Variants in COL22A1 observed in about 807,000 individuals in gnomAD.
The protein encoded by COL22A1 is collagen alpha-1(XXII) chain.
A neutral mutation model predicts 248.9 loss-of-function variants in COL22A1; 221 were observed. That is an observed-to-expected ratio of 0.89 (90% confidence interval 0.80 to 0.99). The LOEUF (loss-of-function observed/expected upper bound fraction) is 0.99. Ranked by LOEUF, COL22A1 falls within the 50% of genes least tolerant of loss-of-function variation. The probability of loss-of-function intolerance (pLI) is 0.00; values close to 1 mark genes in which losing one functional copy is unlikely to be tolerated. For missense variants in COL22A1, 2,240 were observed against 2,179.0 expected, an observed-to-expected ratio of 1.03 and a Z score of -0.56; for synonymous variants, 891 against 793.4, an observed-to-expected ratio of 1.12 and a Z score of -2.07.
chr8:138,594,122 G>C lies in COL22A1; in HGVS notation c.4510C>G (p.Pro1504Ala). Residue 1504 changes from proline (P) to alanine (A), a missense_variant, in exon 63 of 65, where the codon CCC becomes GCC. Transcript: ENST00000303045. ...CCTGGAAGCCCATCTTTTCCAGGGG[G>C]CCCTGGGGGCCCAGGTCTGCCTTGA... Reference protein sequence around the residue: ...SSQGRPGPPGPPGKDGLPGRA... With the variant: ...SSQGRPGPPGAPGKDGLPGRA... 6.3e-7 allele frequency: 1 copy of C among 1,577,886 alleles called. No homozygotes were observed. The highest frequency in any genetic ancestry group is 8.6e-7 in the Non-Finnish European group (1 of 1,168,916).
At position 138,757,960 on chromosome 8, in the gene COL22A1, T is replaced by C. The variant is rs1243895869; in HGVS notation, c.1903-2131A>G. 3.3e-5 allele frequency among the ~76,000 whole-genome samples: 5 copies of C among 152,328 alleles called. No individual in the cohort carries two copies. In the East Asian group the frequency reaches 5.8e-4, roughly 18 times the overall value. ...CTCCCACACCATCCCCGTTCCTCTATGTGACTAACAGAAACAGCAGACGTG... is the reference window on the plus strand; with the variant it reads ...CTCCCACACCATCCCCGTTCCTCTACGTGACTAACAGAAACAGCAGACGTG... On this transcript the variant is annotated intron_variant, in intron 18 of 64. Coordinates refer to ENST00000303045, the MANE Select transcript of COL22A1 (RefSeq NM_152888.3).
chr8:138,789,921 C>T (rs183272983), intron 12 of COL22A1, among the ~76,000 whole-genome samples: 23 of 152,338 alleles, frequency 1.5e-4, no homozygotes, highest in African/African-American at 5.5e-4. Flanking sequence ...AGTCACTATA[C>T]CATTCCAGAT....
At chr8:138,867,923 C>T (rs1365145459) in intron 3 of COL22A1, among the ~76,000 whole-genome samples, 4 of 152,060 alleles carry the variant, frequency 2.6e-5, no homozygotes, top group African/African-American at 7.2e-5. Flanking sequence ...TGCCAACATG[C>T]CTGGCTAACT....
chr8:138,688,914 T>C lies in COL22A1; in HGVS notation c.2862+3A>G. 1 of 1,612,226 alleles carries C rather than the reference T, an allele frequency of 6.2e-7. No individual in the cohort carries two copies. The highest frequency in any genetic ancestry group is 8.5e-7 in the Non-Finnish European group (1 of 1,178,308). On this transcript the variant is annotated splice_donor_region_variant and intron_variant, in intron 37 of 64. Coordinates refer to ENST00000303045, the MANE Select transcript of COL22A1 (RefSeq NM_152888.3). ...GTGTGCTGAGAGATCATATTGGTCT[T>C]ACCTTCTCACCACGCTCCCCATCTT...
chr8:138,722,852 G>GC lies in COL22A1; in HGVS notation c.2248-764_2248-763insG, dbSNP rs1242649124. Among the ~76,000 whole-genome samples the GC allele has an allele frequency of 3.5e-4, 45 of 128,572 alleles. 1 individual carries two copies. Among genetic ancestry groups the GC allele is most frequent in the African/African-American group, 1.2e-3 (42 of 35,910 alleles). 84.3% of individuals were successfully genotyped at this position (128,572 alleles called of 152,430 possible). On this transcript the variant is annotated intron_variant, in intron 25 of 64. Transcript: ENST00000303045. ...AATGATATCGGGTCACATGGGGGCG[G>GC]GGGGGGGGTGGTGGAAAACACACCC...
At chr8:138,907,386 G>T (rs570929217) in intron 1 of COL22A1, among the ~76,000 whole-genome samples, 1 of 152,330 alleles carries the variant, frequency 6.6e-6, no homozygotes, top group South Asian at 2.1e-4. Flanking sequence ...GGAGAATTCA[G>T]CTGGAAGGGT....
rs549935923 is a variant in COL22A1 at position 138,625,094 on chromosome 8, TAATC to T, written c.3717+1092_3717+1095del. Among the ~76,000 whole-genome samples, 7 of 152,276 alleles carry T rather than the reference TAATC, an allele frequency of 4.6e-5. No individual in the cohort carries two copies. The South Asian group carries it at 8.3e-4, about 18-fold the overall frequency. On this transcript the variant is annotated intron_variant, in intron 51 of 64. Transcript: ENST00000303045. ...ACCAGACCAACGAATAATGGAGAAT[TAATC>T]AATCCATTACACCAATAGAAATGCG... is the stretch of plus-strand genomic sequence containing the variant.
chr8:138,752,275 A>G (rs1832668479), intron 21 of COL22A1, among the ~76,000 whole-genome samples: 1 of 152,230 alleles, frequency 6.6e-6, no homozygotes, highest in African/African-American at 2.4e-5. Flanking sequence ...CTGTGACTCT[A>G]TCACCACTTC....
chr8:138,821,786 C>G (rs1378770757), intron 6 of COL22A1, among the ~76,000 whole-genome samples: 1 of 144,830 alleles, frequency 6.9e-6, no homozygotes, highest in Non-Finnish European at 1.6e-5. Context: ...AGTTGTGAGA[C>G]CAGCCAGAAA....
At position 138,826,515 on chromosome 8, in the gene COL22A1, TCTG is replaced by T. The variant is rs1819592424; in HGVS notation, c.969+140_969+142del. 3.5e-5 allele frequency: 29 copies of T among 824,458 alleles called. No individual in the cohort carries two copies. In the East Asian group the frequency reaches 7.2e-4, roughly 20 times the overall value. The allele number at this position is 824,458 out of a possible 1,614,324, so 51.1% of individuals were successfully genotyped here. A position where few individuals can be genotyped will look rare whatever the true frequency, so the allele number is the denominator to read the frequency against. On this transcript the variant is annotated intron_variant, in intron 6 of 64. Coordinates refer to ENST00000303045, the MANE Select transcript of COL22A1 (RefSeq NM_152888.3). ...CTCATGACATCCCCCCTGCAGGTCC[TCTG>T]AGCCTCCATACGCCAGGCTCTCTAT...
chr8:138,912,667 C>T (rs556701238), intron 1 of COL22A1, among the ~76,000 whole-genome samples: 9 of 152,130 alleles, frequency 5.9e-5, no homozygotes, highest in South Asian at 4.1e-4. Flanking sequence ...CGCTTGAACC[C>T]GGGAGGCAGA....
intron 35 of COL22A1, among the ~76,000 whole-genome samples, chr8:138,691,325 G>T (rs529479807): frequency 6.6e-6 from 1 of 151,742 alleles, no homozygotes; most frequent in African/African-American, 2.4e-5. Flanking sequence ...TTGTGGAAGC[G>T]TATGTGTGTG....
intron 21 of COL22A1, 33 bp downstream of exon 21, chr8:138,755,124 G>T (rs781626720): frequency 1.2e-6 from 2 of 1,611,472 alleles, no homozygotes; most frequent in Non-Finnish European, 1.7e-6. Context: ...GAAGCGTGCA[G>T]AGCAAACCCT....
At chr8:138,678,442 T>C (rs1247809273) in intron 40 of COL22A1, among the ~76,000 whole-genome samples, 1 of 152,124 alleles carries the variant, frequency 6.6e-6, no homozygotes, top group African/African-American at 2.4e-5. Flanking sequence ...CTCCTCAAAT[T>C]TTCTGTAAAT....
intron 46 of COL22A1, among the ~76,000 whole-genome samples, chr8:138,649,415 G>T (rs566722357): frequency 6.6e-6 from 1 of 152,266 alleles, no homozygotes; most frequent in African/African-American, 2.4e-5. Flanking sequence ...CTGAATGAGT[G>T]TATGTTTCCA....
chr8:138,620,910 T>TATCC (rs1426886034), intron 52 of COL22A1, among the ~76,000 whole-genome samples: 6 of 152,010 alleles, frequency 3.9e-5, no homozygotes, highest in Admixed American at 1.3e-4. Flanking sequence ...TGTATCCATC[T>TATCC]ATCCATCCAT....
intron 3 of COL22A1, among the ~76,000 whole-genome samples, chr8:138,862,040 A>AAAAAAAAAAG (rs1822515998): frequency 4.1e-5 from 6 of 146,950 alleles, no homozygotes; most frequent in South Asian, 2.1e-4. Flanking sequence ...AAAAAAAAAA[A>AAAAAAAAAAG]AAAAAAAGAA....
In COL22A1 at chr8:138,897,287, C is replaced by A. The variant is rs151085830; in HGVS notation, c.-72-14043G>T. On this transcript the variant is annotated intron_variant, in intron 1 of 64. Transcript: ENST00000303045. ...CTTAGGCCAGGTACAGTGGCTCACACCTGTAATCCCAGCACTTTGGGAGGC... is the reference window on the plus strand; with the variant it reads ...CTTAGGCCAGGTACAGTGGCTCACAACTGTAATCCCAGCACTTTGGGAGGC... Among the ~76,000 whole-genome samples the A allele has an allele frequency of 4.1e-4, 62 of 152,246 alleles. No homozygotes were observed. The East Asian group carries it at 9.7e-3, about 24-fold the overall frequency.
At chr8:138,804,607 C>T (rs1180289483) in intron 10 of COL22A1, among the ~76,000 whole-genome samples, 1 of 152,218 alleles carries the variant, frequency 6.6e-6, no homozygotes, top group Non-Finnish European at 1.5e-5. Context: ...TGCCATCCTC[C>T]TCACAGCGAC....
Sources: gnomAD v4.1 joint callset for allele counts (sites outside exome capture counted in the v4.1 genomes callset) on GRCh38, gnomAD v4.1.1 for gene constraint, MANE v1.5 for transcripts, NCBI Gene and HGNC (gene_info 2026-07-23, HGNC 2026-07-21) for gene names.